The following UGGT2 variants were observed in gnomAD, a reference collection of about 807,000 sequenced individuals.
The protein encoded by UGGT2 is UDP-glucose glycoprotein glucosyltransferase 2.
UGGT2 carries 180 observed loss-of-function variants against 192.1 expected under a neutral mutation model. That is an observed-to-expected ratio of 0.94 (90% CI 0.83 to 1.06). The LOEUF is 1.06. UGGT2 is among the 50% of genes least tolerant of loss of function. UGGT2 has a pLI of 0.00. For synonymous variants in UGGT2, 580 were observed against 591.0 expected, an observed-to-expected ratio of 0.98 and a Z score of 0.27; for missense variants, 1,849 against 1,795.7, an observed-to-expected ratio of 1.03 and a Z score of -0.54.
chr13:95,845,330 C>G (rs867249981), intron 36 of UGGT2, among the ~76,000 whole-genome samples: 1 of 137,754 alleles, frequency 7.3e-6, no homozygotes, highest in Non-Finnish European at 1.6e-5. Flanking sequence ...TGCCGCCTTC[C>G]GCAGTGTTTG....
In UGGT2 at chr13:95,924,393, CTTTTTTTTTTT is replaced by C. The variant is rs59757283; in HGVS notation, c.2295+1276_2295+1286del. 6.5e-3 allele frequency among the ~76,000 whole-genome samples: 413 copies of C among 63,376 alleles called. 7 individuals carry two copies. Among genetic ancestry groups the C allele is most frequent in the African/African-American group, 0.018 (376 of 20,692 alleles). 41.6% of individuals were successfully genotyped at this position (63,376 alleles called of 152,430 possible). On this transcript the variant is annotated intron_variant, in intron 20 of 38. Coordinates refer to ENST00000376747, the MANE Select transcript of UGGT2 (RefSeq NM_020121.4). ...AATAGATGTAATAGATCCCAAACAG[CTTTTTTTTTTT>C]TTTTTTTTTTTTTTTTTTTTGAAAT...
chr13:95,848,007 G>T (rs1888645742), intron 36 of UGGT2, among the ~76,000 whole-genome samples: 3 of 152,200 alleles, frequency 2.0e-5, no homozygotes, highest in Admixed American at 2.0e-4. Context: ...CCTAATAGGT[G>T]TGTGGTGTTA....
At chr13:95,980,692 C>G (rs1156228648) in intron 10 of UGGT2, among the ~76,000 whole-genome samples, 1 of 152,162 alleles carries the variant, frequency 6.6e-6, no homozygotes, top group Non-Finnish European at 1.5e-5. Context: ...GAAGATGGAG[C>G]AGCCCAGCAT....
intron 1 of UGGT2, among the ~76,000 whole-genome samples, chr13:96,034,806 G>A (rs1430732168): frequency 1.3e-5 from 2 of 152,220 alleles, no homozygotes; most frequent in African/African-American, 2.4e-5. Flanking sequence ...TGGCACTCCT[G>A]GCTGTGCGCA....
intron 38 of UGGT2, 200 bp downstream of exon 38, chr13:95,832,727 T>C (rs1316633147): frequency 1.4e-6 from 1 of 706,394 alleles, no homozygotes. Flanking sequence ...GCTGAAGCTG[T>C]ATCCATGGGG....
chr13:95,913,744 C>A (rs2048581719), intron 20 of UGGT2, among the ~76,000 whole-genome samples: 1 of 151,988 alleles, frequency 6.6e-6, no homozygotes, highest in African/African-American at 2.4e-5. Flanking sequence ...GCTTATATAC[C>A]CAAAGGATTA....
intron 2 of UGGT2, among the ~76,000 whole-genome samples, chr13:96,030,808 G>A (rs1223965591): frequency 6.6e-6 from 1 of 152,074 alleles, no homozygotes; most frequent in African/African-American, 2.4e-5. Flanking sequence ...TTCTGAGGAA[G>A]ATATACGTAT....
At chr13:95,924,160 A>G (rs937952963) in intron 20 of UGGT2, among the ~76,000 whole-genome samples, 1 of 152,178 alleles carries the variant, frequency 6.6e-6, no homozygotes, top group African/African-American at 2.4e-5. Context: ...TCTTTGGGAC[A>G]ATGAAAATAA....
intron 12 of UGGT2, among the ~76,000 whole-genome samples, chr13:95,955,682 A>G (rs917646275): frequency 1.4e-4 from 21 of 152,134 alleles, no homozygotes; most frequent in Non-Finnish European, 2.2e-4. Flanking sequence ...CATGGGCAGT[A>G]GAGGGTTTGG....
chr13:95,930,596 A>G lies in UGGT2; in HGVS notation c.1978-3260T>C, dbSNP rs145014464. 6.5e-4 allele frequency among the ~76,000 whole-genome samples: 98 copies of G among 151,926 alleles called. 1 individual carries two copies. Among genetic ancestry groups the G allele is most frequent in the South Asian group, 2.3e-3 (11 of 4,810 alleles). Reference sequence around the variant, plus strand: ...GTGTGGCTTTATTTCTGGGTTCTCTACTCTGTTCCATTAGTCTATGTGTCT... The same window carrying G: ...GTGTGGCTTTATTTCTGGGTTCTCTGCTCTGTTCCATTAGTCTATGTGTCT... On this transcript the variant is annotated intron_variant, in intron 17 of 38. Coordinates refer to ENST00000376747, the MANE Select transcript of UGGT2 (RefSeq NM_020121.4).
At chr13:95,881,927 T>TTA (rs398024048) in intron 27 of UGGT2, among the ~76,000 whole-genome samples, 1 of 151,802 alleles carries the variant, frequency 6.6e-6, no homozygotes, top group South Asian at 2.1e-4. Context: ...TTTTTTTTTT[T>TTA]AGACAGAATC....
At chr13:95,909,799 T>TAAAAAA (rs1172371428) in intron 20 of UGGT2, among the ~76,000 whole-genome samples, 3 of 76,164 alleles carry the variant, frequency 3.9e-5, no homozygotes, top group Non-Finnish European at 7.3e-5. Flanking sequence ...TCCTGCCCAC[T>TAAAAAA]AAAAAAAAAA....
intron 2 of UGGT2, among the ~76,000 whole-genome samples, chr13:96,024,571 A>G (rs1212534917): frequency 6.6e-6 from 1 of 152,182 alleles, no homozygotes; most frequent in Non-Finnish European, 1.5e-5. Flanking sequence ...CTGTAATGTC[A>G]TTCCAGGGCC....
chr13:95,844,719 T>C (rs1293126024), intron 36 of UGGT2, among the ~76,000 whole-genome samples: 1 of 152,172 alleles, frequency 6.6e-6, no homozygotes, highest in Middle Eastern at 3.2e-3. Context: ...ACATTGACTG[T>C]CCCCCTTACC....
chr13:96,030,542 A>AAAATCACT (rs767180456), intron 2 of UGGT2, among the ~76,000 whole-genome samples: 6 of 152,246 alleles, frequency 3.9e-5, no homozygotes, highest in Non-Finnish European at 5.9e-5. Context: ...GTGAAATCAC[A>AAAATCACT]AAATCACTGA....
intron 37 of UGGT2, among the ~76,000 whole-genome samples, chr13:95,836,153 ATTCTCCTGCCTCAGCCTCCT>A (rs1887263976): frequency 6.6e-6 from 1 of 152,196 alleles, no homozygotes; most frequent in South Asian, 2.1e-4. Context: ...GGTTCAAGCA[ATTCTCCTGCCTCAGCCTCCT>A]GAGTAGCTGG....
At chr13:95,979,289 T>C (rs2051038202) in intron 10 of UGGT2, among the ~76,000 whole-genome samples, 1 of 152,112 alleles carries the variant, frequency 6.6e-6, no homozygotes, top group African/African-American at 2.4e-5. Flanking sequence ...GTCTCCTAAA[T>C]AAAACCAAAC....
chr13:96,010,289 C>G (rs992575253), intron 5 of UGGT2, among the ~76,000 whole-genome samples: 1 of 152,144 alleles, frequency 6.6e-6, no homozygotes, highest in Admixed American at 6.5e-5. Context: ...ATATACACCA[C>G]GAAATACTAC....
At chr13:95,905,778 GGGCTCTTTTTT>G (rs1454255653) in intron 20 of UGGT2, among the ~76,000 whole-genome samples, 1 of 151,884 alleles carries the variant, frequency 6.6e-6, no homozygotes, top group Non-Finnish European at 1.5e-5. Flanking sequence ...TTGGTGATGC[GGGCTCTTTTTT>G]GGTTCCATAT....
Sources: gnomAD v4.1 joint callset for allele counts (sites outside exome capture counted in the v4.1 genomes callset) on GRCh38, gnomAD v4.1.1 for gene constraint, MANE v1.5 for transcripts, NCBI Gene and HGNC (gene_info 2026-07-23, HGNC 2026-07-21) for gene names.